GRM8: variants seen among roughly 807,000 people sequenced by gnomAD.
The protein encoded by GRM8 is metabotropic glutamate receptor 8.
A neutral mutation model predicts 87.2 loss-of-function variants in GRM8; 47 were observed. That is an observed-to-expected ratio of 0.54 (90% CI 0.43 to 0.69). The LOEUF is 0.69. Among genes scored for constraint, GRM8 ranks in the 30% least tolerant of loss-of-function variants. The pLI, the probability that GRM8 is intolerant of heterozygous loss-of-function variation, is 0.00. For missense variants in GRM8, 1,019 were observed against 1,139.2 expected (o/e 0.89, Z 1.52); for synonymous variants, 396 against 404.5 (o/e 0.98, Z 0.25).
intron 3 of GRM8, among the ~76,000 whole-genome samples, chr7:126,913,675 C>T (rs941661945): frequency 5.3e-5 from 8 of 152,052 alleles, no homozygotes; most frequent in African/African-American, 1.9e-4. Context: ...ACAATTTGAC[C>T]TAAAGTAATT....
intron 3 of GRM8, chr7:127,080,771 A>G (rs986769370): frequency 6.6e-6 from 1 of 152,242 alleles, no homozygotes; most frequent in African/African-American, 2.4e-5. Flanking sequence ...CTGATAAGAA[A>G]GACCACATGC....
chr7:126,671,259 G>A (rs530012852), intron 7 of GRM8, among the ~76,000 whole-genome samples: 30 of 152,200 alleles, frequency 2.0e-4, no homozygotes, highest in South Asian at 8.3e-4. Context: ...CCCAACTCAC[G>A]GGTATTTGAC....
intron 3 of GRM8, among the ~76,000 whole-genome samples, chr7:126,963,775 A>G (rs10954140): frequency 0.1 from 15,177 of 152,244 alleles, 824 homozygotes; most frequent in Middle Eastern, 0.18. Flanking sequence ...TATACCCATT[A>G]AGCTATCATT....
In GRM8 at chr7:126,685,415, G is replaced by A. The variant is rs1346927865; in HGVS notation, c.1358-75917C>T. On this transcript the variant is annotated intron_variant, in intron 7 of 10. Transcript: ENST00000339582. The surrounding 1 kb of genome is among the most constrained non-coding windows in gnomAD (Gnocchi z 4.2). ...CCCCCTCTGAGTTAGCTGGGTGGGA[G>A]CTCCCTGGGTGCAGCTGCAGCTGCT... 6.6e-6 allele frequency among the ~76,000 whole-genome samples: 1 copy of A among 152,122 alleles called. No homozygotes were observed. The highest frequency in any genetic ancestry group is 1.9e-4 in the East Asian group (1 of 5,154).
chr7:126,597,640 T>C (rs1294373718), intron 8 of GRM8, among the ~76,000 whole-genome samples: 1 of 152,118 alleles, frequency 6.6e-6, no homozygotes, highest in Non-Finnish European at 1.5e-5. Context: ...CTTTATTATC[T>C]CCATAAAAGT....
At chr7:126,517,397 T>C (rs1421059721) in intron 9 of GRM8, among the ~76,000 whole-genome samples, 1 of 152,044 alleles carries the variant, frequency 6.6e-6, no homozygotes, top group South Asian at 2.1e-4. Flanking sequence ...CTGAGCATTG[T>C]TTTTATCCCC....
chr7:126,893,192 A>G (rs1236379899), intron 6 of GRM8, among the ~76,000 whole-genome samples: 2 of 152,018 alleles, frequency 1.3e-5, no homozygotes, highest in African/African-American at 4.8e-5. Context: ...CTATGGAGTC[A>G]TGGCATTTAT....
intron 6 of GRM8, chr7:126,870,030 TGGC>T (rs989220461): frequency 1.3e-5 from 2 of 151,478 alleles, no homozygotes; most frequent in African/African-American, 4.9e-5. Context: ...TCAATGCTCC[TGGC>T]TAGGTCTTCT....
At chr7:126,806,658 C>T (rs1792766364) in intron 6 of GRM8, among the ~76,000 whole-genome samples, 1 of 152,244 alleles carries the variant, frequency 6.6e-6, no homozygotes, top group South Asian at 2.1e-4. Flanking sequence ...CAAGTCCCCA[C>T]CCATCCCAGA....
At chr7:126,765,795 C>T (rs6944763) in intron 7 of GRM8, among the ~76,000 whole-genome samples, 15,588 of 152,034 alleles carry the variant, frequency 0.1, 2,724 homozygotes, top group African/African-American at 0.36. Flanking sequence ...CCCAAGTAGA[C>T]AGAAGATGTT....
chr7:126,739,184 T>C (rs1814625005), intron 7 of GRM8, among the ~76,000 whole-genome samples: 1 of 152,134 alleles, frequency 6.6e-6, no homozygotes, highest in East Asian at 1.9e-4. Context: ...GACTAATTAT[T>C]ATTATCCAAT....
At chr7:126,817,521 G>A (rs986197774) in intron 6 of GRM8, among the ~76,000 whole-genome samples, 2 of 152,080 alleles carry the variant, frequency 1.3e-5, no homozygotes, top group Non-Finnish European at 2.9e-5. Context: ...GTTCTTGCTT[G>A]TCTGATTCAT....
chr7:127,050,158 T>C (rs1401726162), intron 3 of GRM8, among the ~76,000 whole-genome samples: 1 of 152,156 alleles, frequency 6.6e-6, no homozygotes, highest in Admixed American at 6.5e-5. Flanking sequence ...ATGGAGCACA[T>C]TTAGAAGGCC....
Position 126,690,261 on chromosome 7 carries a change from C to T in GRM8, c.1357+79604G>A, listed in dbSNP as rs115726911. 2.8e-3 allele frequency among the ~76,000 whole-genome samples: 419 copies of T among 152,354 alleles called. 1 individual carries two copies. Among genetic ancestry groups the T allele is most frequent in the African/African-American group, 7.6e-3 (316 of 41,584 alleles). ...GCTCGCGCTACTGGCCTGGTTCCCA[C>T]GCATGCCAAGGGCAAGGCAGGCACG... On this transcript the variant is annotated intron_variant, in intron 7 of 10. Transcript: ENST00000339582.
chr7:126,833,880 T>G (rs1795613138), intron 6 of GRM8, among the ~76,000 whole-genome samples: 1 of 152,198 alleles, frequency 6.6e-6, no homozygotes, highest in Non-Finnish European at 1.5e-5. Context: ...TGATTCTGAT[T>G]CATTCCATCT....
chr7:127,193,153 C>A (rs1365561930), intron 2 of GRM8, among the ~76,000 whole-genome samples: 1 of 152,244 alleles, frequency 6.6e-6, no homozygotes, highest in African/African-American at 2.4e-5. Flanking sequence ...AAGTGGCTAA[C>A]ATTGAGCCTT....
intron 7 of GRM8, among the ~76,000 whole-genome samples, chr7:126,699,217 T>A (rs868831937): frequency 6.6e-6 from 1 of 152,194 alleles, no homozygotes; most frequent in Non-Finnish European, 1.5e-5. Flanking sequence ...AAAAGACTAA[T>A]GATAGACGGA....
rs115445699 is a variant in GRM8 at position 127,050,194 on chromosome 7, C to T, written c.727+56302G>A. On this transcript the variant is annotated intron_variant, in intron 3 of 10. Transcript: ENST00000339582. ...ATTGCAATCACCCAGATGAGAAGTG[C>T]AGTGATCTGGACAGAAGCAGAGACA... 2.3e-3 allele frequency among the ~76,000 whole-genome samples: 346 copies of T among 152,246 alleles called. 3 individuals carry two copies. Among genetic ancestry groups the T allele is most frequent in the African/African-American group, 8.0e-3 (333 of 41,538 alleles).
chr7:126,714,227 T>C (rs1811457237), intron 7 of GRM8, among the ~76,000 whole-genome samples: 1 of 150,004 alleles, frequency 6.7e-6, no homozygotes, highest in Non-Finnish European at 1.5e-5. Flanking sequence ...GTGGTGAGCC[T>C]AGATCGTGCC....
Sources: gnomAD v4.1 joint callset for allele counts (sites outside exome capture counted in the v4.1 genomes callset) on GRCh38, gnomAD v4.1.1 for gene constraint, Gnocchi (gnomAD v3.1) non-coding constraint, MANE v1.5 for transcripts, NCBI Gene and HGNC (gene_info 2026-07-23, HGNC 2026-07-21) for gene names.